Variants in RGS9 observed in about 807,000 individuals in gnomAD.
RGS9 encodes regulator of G protein signaling 9, also known as regulator of G-protein signalling 9.
Under a neutral mutation model 102.0 loss-of-function variants are expected in RGS9, and 78 were observed. The ratio of observed to expected loss-of-function variants is 0.76; its 90% confidence interval spans 0.64 to 0.92. The LOEUF is 0.92. Among genes scored for constraint, RGS9 ranks in the 40% least tolerant of loss-of-function variants. RGS9 has a pLI of 0.00. For missense variants in RGS9, 833 were observed against 866.1 expected, an observed-to-expected ratio of 0.96 and a Z score of 0.48; for synonymous variants, 353 against 318.6, an observed-to-expected ratio of 1.11 and a Z score of -1.15.
chr17:65,177,249 C>G (rs1567873781), intron 8 of RGS9, among the ~76,000 whole-genome samples: 1 of 151,680 alleles, frequency 6.6e-6, no homozygotes, highest in Non-Finnish European at 1.5e-5. Context: ...TTCATCCATC[C>G]ACCCATCCCC....
At chr17:65,174,548 T>C (rs1911547716) in intron 8 of RGS9, among the ~76,000 whole-genome samples, 1 of 151,702 alleles carries the variant, frequency 6.6e-6, no homozygotes, top group Non-Finnish European at 1.5e-5. Flanking sequence ...GATGTGTACA[T>C]GTAAGTGAGC....
chr17:65,145,886 C>T (rs34821848), intron 1 of RGS9, among the ~76,000 whole-genome samples: 3 of 151,770 alleles, frequency 2.0e-5, no homozygotes, highest in East Asian at 1.9e-4. Context: ...GAAAAAGGAT[C>T]GGATCCCAAT....
At chr17:65,193,311 G>A (rs1912452797) in intron 11 of RGS9, among the ~76,000 whole-genome samples, 1 of 151,824 alleles carries the variant, frequency 6.6e-6, no homozygotes. Flanking sequence ...GAATGACAGA[G>A]GGACTGGATG....
intron 8 of RGS9, among the ~76,000 whole-genome samples, chr17:65,176,745 A>C (rs1051445354): frequency 4.7e-5 from 7 of 147,412 alleles, no homozygotes; most frequent in Middle Eastern, 3.5e-3. Context: ...CCATCCATCC[A>C]TCCATCCACC....
At position 65,189,294 on chromosome 17, in the gene RGS9, A is replaced by T; in HGVS notation, c.663A>T (p.Thr221=). 4 of 1,612,450 alleles carry T rather than the reference A, an allele frequency of 2.5e-6. No homozygotes were observed. Among genetic ancestry groups the T allele is most frequent in the Non-Finnish European group, 3.4e-6 (4 of 1,178,546 alleles). The stretch of plus-strand genomic sequence containing the variant: ...GTTTCTTTGTCTTACAGAAACAAAC[A>T]GTCGTTGCTGTCAAAAAAGAGGTAA... ...PNEVKVNQKQ[T]VVAVKKEIMY... The change falls in exon 10 of 19, where the codon ACA becomes ACT. Residue 221 remains threonine, a synonymous_variant. Coordinates refer to ENST00000262406, the MANE Select transcript of RGS9 (RefSeq NM_003835.4).
chr17:65,171,635 G>C (rs1367417146), intron 8 of RGS9, among the ~76,000 whole-genome samples: 6 of 152,248 alleles, frequency 3.9e-5, no homozygotes, highest in Non-Finnish European at 1.5e-5. Flanking sequence ...CTGATAGATG[G>C]TGTTTCAGGG....
At chr17:65,215,474 C>CTTTCTT (rs1378047430) in intron 17 of RGS9, among the ~76,000 whole-genome samples, 15 of 137,092 alleles carry the variant, frequency 1.1e-4, no homozygotes, top group African/African-American at 4.9e-4. Context: ...TTCTTTCTTT[C>CTTTCTT]TCTATCTTTC....
intron 13 of RGS9, among the ~76,000 whole-genome samples, chr17:65,199,488 C>CTTTTT (rs3034101): frequency 1.1e-4 from 12 of 108,324 alleles, no homozygotes; most frequent in Non-Finnish European, 1.4e-4. Context: ...GCTTCTGTTC[C>CTTTTT]TTTTTTTTTT....
At position 65,200,735 on chromosome 17, in the gene RGS9, C is replaced by T. The variant is rs146837182; in HGVS notation, c.977-1258C>T. ...TTGACCAACACTGGTTTGAACTGCA[C>T]GAGACCACTTATAGGTGGATTTTTT... On this transcript the variant is annotated intron_variant, in intron 13 of 18. Coordinates refer to ENST00000262406, the MANE Select transcript of RGS9 (RefSeq NM_003835.4). 6.1e-3 allele frequency among the ~76,000 whole-genome samples: 931 copies of T among 152,014 alleles called. 9 individuals are homozygous for T. The highest frequency in any genetic ancestry group is 0.021 in the African/African-American group (857 of 41,460).
At chr17:65,177,842 G>A (rs373417049) in intron 9 of RGS9, 39 bp downstream of exon 9, 54 of 1,542,756 alleles carry the variant, frequency 3.5e-5, no homozygotes, top group East Asian at 9.0e-5. Context: ...GGCCTAGGTC[G>A]GATTCTGGGG....
At chr17:65,207,377 G>T (rs1398329774) in intron 15 of RGS9, among the ~76,000 whole-genome samples, 1 of 152,186 alleles carries the variant, frequency 6.6e-6, no homozygotes, top group African/African-American at 2.4e-5. Context: ...GAATTACCTG[G>T]AGACTGTTCA....
chr17:65,158,782 G>A (rs534057288), intron 3 of RGS9: 172 of 283,452 alleles, frequency 6.1e-4, no homozygotes, highest in African/African-American at 3.7e-3. Context: ...TATGGAGGGT[G>A]GCAGAGGGGT....
chr17:65,174,644 CGTGT>C (rs373280733), intron 8 of RGS9, among the ~76,000 whole-genome samples: 2 of 150,504 alleles, frequency 1.3e-5, no homozygotes, highest in African/African-American at 4.9e-5. Flanking sequence ...TCAGTATGCA[CGTGT>C]GTGAGTGTGT....
chr17:65,207,770 C>T (rs1913124996), intron 15 of RGS9, 152 bp from the exon 16 acceptor site: 1 of 588,688 alleles, frequency 1.7e-6, no homozygotes, highest in African/African-American at 1.9e-5. Flanking sequence ...CCACTGCTCT[C>T]AACACCTCCC....
At chr17:65,155,027 G>A (rs1311537531) in intron 2 of RGS9, among the ~76,000 whole-genome samples, 1 of 152,192 alleles carries the variant, frequency 6.6e-6, no homozygotes, top group Admixed American at 6.5e-5. Context: ...TTGCATGCAA[G>A]CAACAGAAGA....
At chr17:65,157,739 G>A (rs138140099) in intron 2 of RGS9, among the ~76,000 whole-genome samples, 9 of 152,078 alleles carry the variant, frequency 5.9e-5, no homozygotes, top group African/African-American at 1.9e-4. Flanking sequence ...TGGAAGGCCA[G>A]GTTCAAGTTT....
chr17:65,158,241 C>T (rs961025798), intron 2 of RGS9, 54 bp from the exon 3 acceptor site: 36 of 1,533,914 alleles, frequency 2.3e-5, no homozygotes, highest in Admixed American at 1.5e-4. Context: ...CGTGGAGGAG[C>T]GGGGATGTGT....
chr17:65,149,266 A>C (rs891735808), intron 1 of RGS9, among the ~76,000 whole-genome samples: 1 of 152,124 alleles, frequency 6.6e-6, no homozygotes, highest in Non-Finnish European at 1.5e-5. Flanking sequence ...GAGCCATCGC[A>C]CCGGGCCTGA....
intron 8 of RGS9, among the ~76,000 whole-genome samples, chr17:65,171,803 A>G (rs1911430281): frequency 6.6e-6 from 1 of 152,262 alleles, no homozygotes; most frequent in South Asian, 2.1e-4. Flanking sequence ...AATGGAACCA[A>G]GTACAGATCT....
Sources: gnomAD v4.1 joint callset for allele counts (sites outside exome capture counted in the v4.1 genomes callset) on GRCh38, gnomAD v4.1.1 for gene constraint, MANE v1.5 for transcripts, NCBI Gene and HGNC (gene_info 2026-07-23, HGNC 2026-07-21) for gene names.